UNC79: variants seen among roughly 807,000 people sequenced by gnomAD.
UNC79 encodes unc-79 subunit of NALCN channel complex.
A neutral mutation model predicts 283.1 loss-of-function variants in UNC79; 37 were observed. The observed-to-expected ratio is 0.13, with a 90% CI of 0.10 to 0.17. UNC79 has a LOEUF of 0.17. UNC79 is among the 10% of genes least tolerant of loss of function. UNC79 has a pLI of 1.00. For missense variants in UNC79, 2,272 were observed against 3,211.1 expected (o/e 0.71, Z 7.07); for synonymous variants, 1,107 against 1,200.2 (o/e 0.92, Z 1.61).
intron 1 of UNC79, among the ~76,000 whole-genome samples, chr14:93,399,548 G>A (rs535944418): frequency 3.3e-5 from 5 of 152,184 alleles, no homozygotes; most frequent in African/African-American, 1.2e-4. Context: ...TTTTTGAGGA[G>A]AAAAGAGGCT....
rs1390580711 is a variant in UNC79, at chr14:93,621,160, T to C, written c.4388-461T>C. 3 of 364,394 alleles carry C rather than the reference T, an allele frequency of 8.2e-6. No individual in the cohort carries two copies. Among genetic ancestry groups the C allele is most frequent in the Non-Finnish European group, 5.4e-6 (1 of 185,930 alleles). 22.6% of individuals were successfully genotyped at this position (364,394 alleles called of 1,614,324 possible). ...TTTTAATACCGTTGATTTATATATATGTATGCACAAACAGTATATATATAT... is the reference window on the plus strand; with the variant it reads ...TTTTAATACCGTTGATTTATATATACGTATGCACAAACAGTATATATATAT... On this transcript the variant is annotated intron_variant, in intron 29 of 48. Coordinates refer to ENST00000555664, the Ensembl canonical transcript of UNC79. This position sits in a 1 kb window ranked among gnomAD's most constrained non-coding sequence, Gnocchi z 4.8.
In UNC79 at chr14:93,389,571, G is replaced by A. The variant is rs188111039; in HGVS notation, c.-351+56048G>A. On this transcript the variant is annotated intron_variant, in intron 1 of 49. Transcript: ENST00000256339. The stretch of plus-strand genomic sequence containing the variant: ...AGGTGGAAGGTGTTAGAACTTGTGG[G>A]GAAGATTATAAAAAATGGGAGGGCC... Among the ~76,000 whole-genome samples, 3 of 152,122 alleles carry A rather than the reference G, an allele frequency of 2.0e-5. No individual in the cohort carries two copies. In the East Asian group the frequency reaches 5.8e-4, roughly 29 times the overall value.
chr14:93,614,137 T>A (rs551288795), intron 27 of UNC79, among the ~76,000 whole-genome samples: 1 of 152,206 alleles, frequency 6.6e-6, no homozygotes, highest in South Asian at 2.1e-4. Flanking sequence ...ATTTGCCATT[T>A]TAACAGTTGT....
intron 5 of UNC79, among the ~76,000 whole-genome samples, chr14:93,493,703 T>G (rs2058848200): frequency 6.6e-6 from 1 of 151,500 alleles, no homozygotes; most frequent in African/African-American, 2.4e-5. Flanking sequence ...ACTGGGTAAT[T>G]TATAAAGAAA....
In UNC79 at chr14:93,694,317, T is replaced by A; in HGVS notation, c.7471-18T>A. 1.5e-5 allele frequency: 24 copies of A among 1,603,034 alleles called. No homozygotes were observed. The highest frequency in any genetic ancestry group is 2.0e-5 in the Non-Finnish European group (24 of 1,170,764). On this transcript the variant is annotated intron_variant, in intron 46 of 48. Coordinates refer to ENST00000555664, the Ensembl canonical transcript of UNC79. ...ATATCACTGGAAATGGAATTAACTT[T>A]CATGTTTGTTGTTTCAGATGGTAGA...
intron 26 of UNC79, among the ~76,000 whole-genome samples, chr14:93,607,516 C>G (rs1337486503): frequency 2.0e-5 from 3 of 152,176 alleles, no homozygotes; most frequent in African/African-American, 7.2e-5. Flanking sequence ...TCTTGATGAA[C>G]TGGTCTTAGG....
chr14:93,449,627 A>G (rs2056571110), intron 1 of UNC79, among the ~76,000 whole-genome samples: 1 of 152,050 alleles, frequency 6.6e-6, no homozygotes, highest in African/African-American at 2.4e-5. Flanking sequence ...CTAAAAAAAA[A>G]AAAAGAAAAA....
chr14:93,424,784 A>C (rs1267416955), intron 1 of UNC79, among the ~76,000 whole-genome samples: 3 of 152,156 alleles, frequency 2.0e-5, no homozygotes, highest in African/African-American at 7.2e-5. Flanking sequence ...ATAATGAATA[A>C]GATCTAGTAT....
At chr14:93,523,441 T>C (rs934608641) in intron 7 of UNC79, among the ~76,000 whole-genome samples, 1 of 152,158 alleles carries the variant, frequency 6.6e-6, no homozygotes, top group African/African-American at 2.4e-5. Flanking sequence ...AGAGGACGTC[T>C]TACTATTCAT....
At chr14:93,586,535 T>C in intron 20 of UNC79, 61 bp from the exon 21 acceptor site, 1 of 1,429,774 alleles carries the variant, frequency 7.0e-7, no homozygotes, top group Non-Finnish European at 9.6e-7. Context: ...TCTTGATAAA[T>C]TGATGAATGA....
At chr14:93,425,696 C>G (rs977036579), upstream of UNC79, among the ~76,000 whole-genome samples, 2 of 152,112 alleles carry the variant, frequency 1.3e-5, no homozygotes, top group Admixed American at 6.5e-5. Context: ...CCCCACTTCA[C>G]ACATAAACAT....
chr14:93,467,821 A>G (rs940024441), intron 2 of UNC79, 30 bp downstream of exon 2: 4 of 1,478,132 alleles, frequency 2.7e-6, no homozygotes, highest in Non-Finnish European at 3.6e-6. Context: ...CTACTTTGAG[A>G]GAATTATTAG....
chr14:93,662,523 T>G (rs1340501966), intron 39 of UNC79, 81 bp from the exon 43 acceptor site: 3 of 966,296 alleles, frequency 3.1e-6, no homozygotes, highest in Non-Finnish European at 4.6e-6. Context: ...TTCCATTAGT[T>G]AAAGTATCAT....
intron 40 of UNC79, among the ~76,000 whole-genome samples, chr14:93,669,515 T>C (rs1000907133): frequency 1.6e-4 from 24 of 152,084 alleles, no homozygotes; most frequent in Admixed American, 1.3e-4. Flanking sequence ...GACCCACACA[T>C]TTTTGGCTTT....
intron 31 of UNC79, 90 bp from the exon 35 acceptor site, chr14:93,637,126 G>C: frequency 1.3e-6 from 1 of 777,376 alleles, no homozygotes; most frequent in Non-Finnish European, 2.4e-6. Flanking sequence ...CCAAAAAATT[G>C]GCCCCCAGAG....
chr14:93,613,172 G>C (rs547303643), intron 27 of UNC79, 89 bp downstream of exon 28: 2 of 1,532,144 alleles, frequency 1.3e-6, no homozygotes, highest in East Asian at 2.3e-5. Context: ...CGTTGGTTCA[G>C]CATAAAGGTT....
chr14:93,426,926 A>G (rs549012519), upstream of UNC79, among the ~76,000 whole-genome samples: 7 of 152,080 alleles, frequency 4.6e-5, no homozygotes, highest in African/African-American at 1.2e-4. Context: ...GTAAATTTGG[A>G]TTGTATCCTG....
At chr14:93,419,376 C>T (rs972456851) in intron 1 of UNC79, among the ~76,000 whole-genome samples, 1 of 151,278 alleles carries the variant, frequency 6.6e-6, no homozygotes, top group Admixed American at 6.6e-5. Flanking sequence ...ACCATCTTGG[C>T]CAGGCTCATC....
chr14:93,437,286 TA>T (rs781699118), intron 1 of UNC79: 1 of 152,194 alleles, frequency 6.6e-6, no homozygotes, highest in Non-Finnish European at 1.5e-5. Context: ...GGCACTTTGG[TA>T]TATATTGGCT....
Sources: gnomAD v4.1 joint callset for allele counts (sites outside exome capture counted in the v4.1 genomes callset) on GRCh38, gnomAD v4.1.1 for gene constraint, Gnocchi (gnomAD v3.1) non-coding constraint, MANE v1.5 for transcripts, NCBI Gene and HGNC (gene_info 2026-07-23, HGNC 2026-07-21) for gene names.